MAPRE2: variants seen among roughly 807,000 people sequenced by gnomAD.
MAPRE2 encodes microtubule associated protein RP/EB family member 2.
Under a neutral mutation model 43.2 loss-of-function variants are expected in MAPRE2, and 13 were observed. The ratio of observed to expected loss-of-function variants is 0.30; its 90% CI spans 0.20 to 0.48. The LOEUF (loss-of-function observed/expected upper bound fraction) is 0.48. MAPRE2 is among the 20% of genes least tolerant of loss of function. The pLI is 0.99. For synonymous variants in MAPRE2, 135 were observed against 148.8 expected, an observed-to-expected ratio of 0.91 and a Z score of 0.68; for missense variants, 161 against 400.2, an observed-to-expected ratio of 0.40 and a Z score of 5.10.
chr18:35,092,359 G>C (rs1272738899), intron 2 of MAPRE2, among the ~76,000 whole-genome samples: 1 of 152,176 alleles, frequency 6.6e-6, no homozygotes, highest in African/African-American at 2.4e-5. Flanking sequence ...CAGGAACATA[G>C]GGAAAGGACA....
chr18:34,985,272 A>AAT (rs1158176480), intron 1 of MAPRE2, among the ~76,000 whole-genome samples: 3 of 27,866 alleles, frequency 1.1e-4, no homozygotes, highest in African/African-American at 3.9e-4. Context: ...TATATTATAT[A>AAT]ATATAATATA....
At position 35,140,280 on chromosome 18, in the gene MAPRE2, C is replaced by T. The variant is rs762130234; in HGVS notation, c.910-15C>T. On this transcript the variant is annotated splice_polypyrimidine_tract_variant and intron_variant, in intron 6 of 6. Transcript: ENST00000300249. ...CAGTCAATTATCTCAGCTGAAACTT[C>T]TCCCCTGCCCACAGGAGGGCCACAC... 1.9e-6 allele frequency: 3 copies of T among 1,611,808 alleles called. No individual in the cohort carries two copies. In the Admixed American group the frequency reaches 5.0e-5, roughly 27 times the overall value.
At chr18:35,120,231 T>C (rs1007866445) in intron 4 of MAPRE2, among the ~76,000 whole-genome samples, 1 of 151,950 alleles carries the variant, frequency 6.6e-6, no homozygotes, top group African/African-American at 2.4e-5. Flanking sequence ...CCCACGAGAT[T>C]GGTGTGGCTA....
chr18:35,091,305 C>T (rs893082162), intron 2 of MAPRE2, among the ~76,000 whole-genome samples: 7 of 152,168 alleles, frequency 4.6e-5, no homozygotes, highest in African/African-American at 1.7e-4. Flanking sequence ...TATAAAATTA[C>T]CTTCAGGGTA....
chr18:35,089,742 A>G (rs975843692), intron 2 of MAPRE2, among the ~76,000 whole-genome samples: 5 of 152,228 alleles, frequency 3.3e-5, no homozygotes, highest in African/African-American at 1.2e-4. Flanking sequence ...AGTTTTTCAA[A>G]TTGTTAAACA....
chr18:34,996,366 C>A (rs1302795739), intron 1 of MAPRE2, among the ~76,000 whole-genome samples: 2 of 152,110 alleles, frequency 1.3e-5, no homozygotes, highest in South Asian at 2.1e-4. Context: ...CAACCTAGAT[C>A]CCTCATGTGC....
intron 1 of MAPRE2, chr18:34,978,346 G>A (rs1036078706): frequency 1.5e-6 from 1 of 680,810 alleles, no homozygotes; most frequent in Non-Finnish European, 2.6e-6. Flanking sequence ...CACCGAAACG[G>A]AAGAACTTCC....
chr18:35,097,731 G>T, intron 3 of MAPRE2, 140 bp downstream of exon 3: 1 of 656,702 alleles, frequency 1.5e-6, no homozygotes. Context: ...CTAGCATAAA[G>T]CATCACCCTA....
chr18:34,984,996 ATATATAATATATTTTATGT>A (rs1397221755), intron 1 of MAPRE2, among the ~76,000 whole-genome samples: 20 of 80,118 alleles, frequency 2.5e-4, no homozygotes, highest in African/African-American at 9.4e-4. Context: ...TATATATAAA[ATATATAATATATTTTATGT>A]TATATAATAT....
intron 1 of MAPRE2, among the ~76,000 whole-genome samples, chr18:34,998,480 C>T (rs2097027653): frequency 6.6e-6 from 1 of 152,034 alleles, no homozygotes; most frequent in African/African-American, 2.4e-5. Flanking sequence ...GTGCCCGCCA[C>T]CACACCCCGC....
chr18:35,037,807 TG>T (rs574630221), upstream of MAPRE2, among the ~76,000 whole-genome samples: 25 of 152,286 alleles, frequency 1.6e-4, no homozygotes, highest in African/African-American at 5.8e-4. Context: ...CTTCATCTCT[TG>T]GGTGACTATT....
rs1449457955 is a variant in MAPRE2 at position 35,141,482 on chromosome 18, A to G, written c.*1113A>G. ...CAGCACAGAAAAATCTATGACTCCCAATATCTTCTAGAATAAAGAATTTTC... is the reference window on the plus strand; with the variant it reads ...CAGCACAGAAAAATCTATGACTCCCGATATCTTCTAGAATAAAGAATTTTC... On this transcript the variant is annotated 3_prime_UTR_variant, in exon 7 of 7. Coordinates refer to ENST00000300249, the MANE Select transcript of MAPRE2 (RefSeq NM_014268.4). 6.6e-6 allele frequency: 1 copy of G among 152,180 alleles called. No individual in the cohort carries two copies. The highest frequency in any genetic ancestry group is 1.5e-5 in the Non-Finnish European group (1 of 68,026). 9.4% of individuals were successfully genotyped at this position (152,180 alleles called of 1,614,324 possible).
Position 34,977,596 on chromosome 18 carries a change from G to C in MAPRE2, c.-70+517G>C, listed in dbSNP as rs538671170. 3.0e-3 allele frequency among the ~76,000 whole-genome samples: 453 copies of C among 152,322 alleles called. 3 individuals are homozygous for C. Among genetic ancestry groups the C allele is most frequent in the African/African-American group, 0.01 (425 of 41,578 alleles). On this transcript the variant is annotated intron_variant, in intron 1 of 7. Transcript: ENST00000413393. ...AAGTGCAGCGCGCTGGCGCTCGCGC[G>C]CTTGGGAGCATCCCCTGGACCCCGG...
chr18:35,136,379 C>A (rs1910393526), intron 6 of MAPRE2, among the ~76,000 whole-genome samples: 1 of 152,068 alleles, frequency 6.6e-6, no homozygotes, highest in African/African-American at 2.4e-5. Flanking sequence ...AGAAAAAGAC[C>A]CAACCCTACC....
chr18:35,046,171 T>G (rs1905612440), intron 1 of MAPRE2, among the ~76,000 whole-genome samples: 2 of 152,220 alleles, frequency 1.3e-5, no homozygotes, highest in Admixed American at 6.5e-5. Context: ...AATTTAAATA[T>G]TCTGTTTGGT....
intron 2 of MAPRE2, among the ~76,000 whole-genome samples, chr18:35,012,030 A>G (rs2097035053): frequency 6.6e-6 from 1 of 152,140 alleles, no homozygotes; most frequent in Non-Finnish European, 1.5e-5. Flanking sequence ...CTTGGGGTTC[A>G]GTGGGATCCC....
At chr18:35,074,799 T>G (rs952755044) in intron 2 of MAPRE2, among the ~76,000 whole-genome samples, 5 of 152,082 alleles carry the variant, frequency 3.3e-5, no homozygotes, top group African/African-American at 4.8e-5. Flanking sequence ...ACACCTGACT[T>G]GGGGCAAATG....
At chr18:34,993,237 G>A (rs2097024674) in intron 1 of MAPRE2, among the ~76,000 whole-genome samples, 1 of 147,580 alleles carries the variant, frequency 6.8e-6, no homozygotes, top group Non-Finnish European at 1.5e-5. Context: ...CAATATAGGT[G>A]TATACCACCA....
intron 1 of MAPRE2, among the ~76,000 whole-genome samples, chr18:34,996,387 A>G (rs1395113492): frequency 6.6e-6 from 1 of 152,092 alleles, no homozygotes; most frequent in African/African-American, 2.4e-5. Flanking sequence ...ACGGTTCACA[A>G]TAGTGTTCGC....
Sources: gnomAD v4.1 joint callset for allele counts (sites outside exome capture counted in the v4.1 genomes callset) on GRCh38, gnomAD v4.1.1 for gene constraint, MANE v1.5 for transcripts, NCBI Gene and HGNC (gene_info 2026-07-23, HGNC 2026-07-21) for gene names.